The following TMOD3 variants were observed in gnomAD, a reference collection of about 807,000 sequenced individuals.
TMOD3 encodes tropomodulin 3.
TMOD3 carries 20 observed loss-of-function variants against 39.2 expected under a neutral mutation model. That is an observed-to-expected ratio of 0.51 (90% CI 0.36 to 0.74). The LOEUF is 0.74. Ranked by LOEUF, TMOD3 falls within the 30% of genes least tolerant of loss-of-function variation. The probability of loss-of-function intolerance (pLI) is 0.00; values close to 1 mark genes in which losing one functional copy is unlikely to be tolerated. For synonymous variants in TMOD3, 143 were observed against 145.8 expected, an observed-to-expected ratio of 0.98 and a Z score of 0.14; for missense variants, 381 against 412.8, an observed-to-expected ratio of 0.92 and a Z score of 0.67.
intron 1 of TMOD3, among the ~76,000 whole-genome samples, chr15:51,838,963 T>C (rs1486898772): frequency 6.6e-6 from 1 of 152,132 alleles, no homozygotes; most frequent in African/African-American, 2.4e-5. Flanking sequence ...CTGTGAAAGA[T>C]GTGGCTTTGT....
rs542653061 is a variant in TMOD3, at chr15:51,869,072, A to T, written c.127-145A>T. On this transcript the variant is annotated intron_variant, in intron 2 of 9. Coordinates refer to ENST00000308580, the MANE Select transcript of TMOD3 (RefSeq NM_014547.5). ...AGTTTAATGTTTGGAGCAATTGTAC[A>T]TTGCTGTCCTAAAATCCTGCAATGA... is the stretch of plus-strand genomic sequence containing the variant. 5.2e-6 allele frequency: 4 copies of T among 773,284 alleles called. No individual in the cohort carries two copies. In the East Asian group the frequency reaches 1.1e-4, roughly 22 times the overall value. The allele number at this position is 773,284 out of a possible 1,614,324, so 47.9% of individuals were successfully genotyped here.
chr15:51,914,386 C>T lies in TMOD3; in HGVS notation c.*5576C>T, dbSNP rs915111032. The T allele has an allele frequency of 5.3e-5, 8 of 152,052 alleles. No individual in the cohort carries two copies. Among genetic ancestry groups the T allele is most frequent in the Admixed American group, 1.3e-4 (2 of 15,270 alleles). 9.4% of individuals were successfully genotyped at this position (152,052 alleles called of 1,614,324 possible). ...CTAGATAAAAATAGATTGTAATGGC[C>T]GGGTGCAGTGGCTCACACTTGTAAT... On this transcript the variant is annotated 3_prime_UTR_variant, in exon 10 of 10. Coordinates refer to ENST00000308580, the MANE Select transcript of TMOD3 (RefSeq NM_014547.5).
chr15:51,844,204 G>T (rs2056325466), intron 1 of TMOD3, among the ~76,000 whole-genome samples: 1 of 152,082 alleles, frequency 6.6e-6, no homozygotes, highest in South Asian at 2.1e-4. Flanking sequence ...TTTATCTCTG[G>T]TTCTTGTGGA....
Position 51,912,399 on chromosome 15 carries a change from C to T in TMOD3, c.*3589C>T, listed in dbSNP as rs1019628053. ...CTGAGGTCGCGCCATTGCACTCCAG[C>T]ATGGGCAACAAGAGTGAAACTCCGT... On this transcript the variant is annotated 3_prime_UTR_variant, in exon 10 of 10. Transcript: ENST00000308580. 6.7e-6 allele frequency: 1 copy of T among 148,594 alleles called. No individual in the cohort carries two copies. Among genetic ancestry groups the T allele is most frequent in the Non-Finnish European group, 1.5e-5 (1 of 67,512 alleles). The allele number at this position is 148,594 out of a possible 1,614,324, so 9.2% of individuals were successfully genotyped here.
intron 1 of TMOD3, among the ~76,000 whole-genome samples, chr15:51,840,162 T>C (rs1399134887): frequency 1.3e-5 from 2 of 152,202 alleles, no homozygotes; most frequent in Admixed American, 1.3e-4. Flanking sequence ...GAGATAAATA[T>C]TGATAGAAGT....
intron 1 of TMOD3, among the ~76,000 whole-genome samples, chr15:51,837,845 T>C (rs2056294147): frequency 6.6e-6 from 1 of 152,218 alleles, no homozygotes; most frequent in Non-Finnish European, 1.5e-5. Context: ...CTGGCACTGC[T>C]TTAAGCCCCT....
intron 7 of TMOD3, 148 bp from the exon 8 acceptor site, chr15:51,900,007 A>G (rs1310027535): frequency 6.5e-6 from 5 of 765,526 alleles, no homozygotes; most frequent in Non-Finnish European, 8.2e-6. Flanking sequence ...ACAACTGTAC[A>G]TGTGAGAGCT....
chr15:51,887,295 A>G (rs1462325899), intron 3 of TMOD3, among the ~76,000 whole-genome samples: 1 of 121,778 alleles, frequency 8.2e-6, no homozygotes, highest in African/African-American at 3.1e-5. Context: ...TTTTTTGTTT[A>G]TTCCTTCATT....
intron 3 of TMOD3, among the ~76,000 whole-genome samples, chr15:51,885,284 CTTTT>C (rs67378569): frequency 7.1e-5 from 9 of 126,968 alleles, no homozygotes; most frequent in African/African-American, 2.3e-4. Flanking sequence ...TTTCTTTTTT[CTTTT>C]TTTTTTTTTT....
chr15:51,904,010 T>G (rs2141709988), intron 9 of TMOD3, among the ~76,000 whole-genome samples: 1 of 152,318 alleles, frequency 6.6e-6, no homozygotes, highest in South Asian at 2.1e-4. Context: ...TCAAAGAAGT[T>G]AACTAACTTG....
chr15:51,878,153 G>T (rs2056514349), intron 3 of TMOD3, among the ~76,000 whole-genome samples: 1 of 152,224 alleles, frequency 6.6e-6, no homozygotes, highest in Non-Finnish European at 1.5e-5. Context: ...CAGACAATAA[G>T]CTAGGTAATC....
intron 5 of TMOD3, among the ~76,000 whole-genome samples, chr15:51,892,195 A>G (rs1220577115): frequency 1.3e-5 from 2 of 152,208 alleles, no homozygotes; most frequent in Non-Finnish European, 2.9e-5. Flanking sequence ...GAAGGAAAAA[A>G]GCCAGATAGT....
At chr15:51,870,148 A>G (rs1266213242) in intron 3 of TMOD3, among the ~76,000 whole-genome samples, 1 of 152,202 alleles carries the variant, frequency 6.6e-6, no homozygotes, top group African/African-American at 2.4e-5. Context: ...AGTGTTGGCC[A>G]GGCTGGTCTC....
chr15:51,853,790 T>TAAAAA (rs74342679), intron 1 of TMOD3, among the ~76,000 whole-genome samples: 1 of 126,510 alleles, frequency 7.9e-6, no homozygotes, highest in African/African-American at 2.9e-5. Context: ...CACTGTCTCT[T>TAAAAA]AAAAAAAAAA....
chr15:51,850,223 A>G (rs1227696887), intron 1 of TMOD3, among the ~76,000 whole-genome samples: 3 of 152,292 alleles, frequency 2.0e-5, no homozygotes, highest in Middle Eastern at 3.4e-3. Flanking sequence ...GCTAATGGGC[A>G]TGGTCCAGTA....
At chr15:51,829,941 C>G (rs2056245076) in intron 1 of TMOD3, 105 bp downstream of exon 1, 1 of 152,308 alleles carries the variant, frequency 6.6e-6, no homozygotes, top group African/African-American at 2.4e-5. Flanking sequence ...CCGCCGGCCG[C>G]CCGACTCCAG....
intron 1 of TMOD3, among the ~76,000 whole-genome samples, chr15:51,858,734 A>G (rs1438701805): frequency 6.6e-6 from 1 of 152,266 alleles, no homozygotes; most frequent in African/African-American, 2.4e-5. Flanking sequence ...TAGCTAGATT[A>G]GAGATACTCA....
intron 9 of TMOD3, among the ~76,000 whole-genome samples, chr15:51,905,860 C>T (rs1185343791): frequency 7.3e-6 from 1 of 136,850 alleles, no homozygotes; most frequent in Non-Finnish European, 1.5e-5. Flanking sequence ...AGGAGAATGG[C>T]GTGAACCCGG....
At chr15:51,840,371 G>C (rs937448495) in intron 1 of TMOD3, among the ~76,000 whole-genome samples, 1 of 152,162 alleles carries the variant, frequency 6.6e-6, no homozygotes, top group Non-Finnish European at 1.5e-5. Context: ...TAAAAATGAA[G>C]ATAATATTTA....
Sources: allele counts gnomAD v4.1 joint callset (sites outside exome capture counted in the v4.1 genomes callset), GRCh38; gene constraint gnomAD v4.1.1; transcripts MANE v1.5; gene names NCBI Gene and HGNC (gene_info 2026-07-23, HGNC 2026-07-21).